The following ZNF285 variants were observed in gnomAD, a reference collection of about 807,000 sequenced individuals.
The protein encoded by ZNF285 is zinc finger protein 285, also known as zinc finger protein 285A.
Under a neutral mutation model 6.2 loss-of-function variants are expected in ZNF285, and 4 were observed. That is an observed-to-expected ratio of 0.65 (90% CI 0.32 to 1.49). The LOEUF (loss-of-function observed/expected upper bound fraction) is 1.49, where lower values mean the gene tolerates loss of function less well. Ranked by LOEUF, ZNF285 falls within the 40% of genes most tolerant of loss-of-function variation. ZNF285 has a pLI of 0.07. For synonymous variants in ZNF285, 240 were observed against 245.8 expected (o/e 0.98, Z 0.22); for missense variants, 695 against 708.8 (o/e 0.98, Z 0.22).
At chr19:44,400,088 T>G (rs1431566638) in intron 1 of ZNF285, among the ~76,000 whole-genome samples, 6 of 150,510 alleles carry the variant, frequency 4.0e-5, no homozygotes, top group African/African-American at 1.5e-4. Context: ...CAGAAGGCAA[T>G]GGCGGCCTTT....
chr19:44,384,436 A>G lies in ZNF285; in HGVS notation c.*2036T>C, dbSNP rs8110621. On this transcript the variant is annotated 3_prime_UTR_variant, in exon 4 of 4. Transcript: ENST00000614994. ...CTTTGTACCTGTTTTTCTTTCCCCC[A>G]CCAACTTATGTAAGAACACTCATTT... is the stretch of plus-strand genomic sequence containing the variant. The G allele has an allele frequency of 3.4e-4, 52 of 152,174 alleles. No homozygotes were observed. The highest frequency in any genetic ancestry group is 1.3e-3 in the African/African-American group (52 of 41,528). 9.4% of individuals were successfully genotyped at this position (152,174 alleles called of 1,614,324 possible).
chr19:44,384,507 C>A lies in ZNF285; in HGVS notation c.*1965G>T, dbSNP rs770537450. 2.0e-5 allele frequency: 3 copies of A among 152,144 alleles called. No homozygotes were observed. Among genetic ancestry groups the A allele is most frequent in the Non-Finnish European group, 4.4e-5 (3 of 68,026 alleles). 9.4% of individuals were successfully genotyped at this position (152,144 alleles called of 1,614,324 possible). A position where few individuals can be genotyped will look rare whatever the true frequency, so the allele number is the denominator to read the frequency against. The stretch of plus-strand genomic sequence containing the variant: ...AATTTTTAAAATATTTCACTATTAT[C>A]CACCTGATCAGTAAGAAAATGACAC... On this transcript the variant is annotated 3_prime_UTR_variant, in exon 4 of 4. Transcript: ENST00000614994.
chr19:44,385,078 G>A lies in ZNF285; in HGVS notation c.*1394C>T, dbSNP rs527543841. On this transcript the variant is annotated 3_prime_UTR_variant, in exon 4 of 4. Coordinates refer to ENST00000614994, the MANE Select transcript of ZNF285 (RefSeq NM_152354.6). The stretch of plus-strand genomic sequence containing the variant: ...TTATCCCCAATTAAATGACAAATTT[G>A]GGGGGAAACTGACAGAAAGAGCATC... 2 of 150,846 alleles carry A rather than the reference G, an allele frequency of 1.3e-5. No homozygotes were observed. Among genetic ancestry groups the A allele is most frequent in the Non-Finnish European group, 2.9e-5 (2 of 67,868 alleles). The allele number at this position is 150,846 out of a possible 1,614,324, so 9.3% of individuals were successfully genotyped here.
At chr19:44,393,921 A>G (rs923861211) in intron 2 of ZNF285, among the ~76,000 whole-genome samples, 1 of 152,148 alleles carries the variant, frequency 6.6e-6, no homozygotes, top group African/African-American at 2.4e-5. Flanking sequence ...TATATACCCA[A>G]AGGATTATAA....
intron 2 of ZNF285, chr19:44,396,861 C>T: frequency 3.1e-6 from 1 of 317,796 alleles, no homozygotes; most frequent in South Asian, 5.0e-5. Context: ...GCTGCCCATG[C>T]ACTCGGATGC....
In ZNF285 at chr19:44,387,925, A is replaced by G. The variant is rs1971124369; in HGVS notation, c.320T>C (p.Leu107Pro). 6.2e-7 allele frequency: 1 copy of G among 1,614,084 alleles called. No homozygotes were observed. Among genetic ancestry groups the G allele is most frequent in the Non-Finnish European group, 8.5e-7 (1 of 1,179,968 alleles). ...ECSPHLEDVSLSEEWAGISLQ... is the reference protein window; with the variant it reads ...ECSPHLEDVSPSEEWAGISLQ... Reference sequence around the variant, plus strand: ...AGAAATGCCTGCCCACTCTTCACTGAGGGAAACATCTTCTAAATGTGGGGA... The same window carrying G: ...AGAAATGCCTGCCCACTCTTCACTGGGGGAAACATCTTCTAAATGTGGGGA... The change falls in exon 4 of 4, where the codon CTC becomes CCC. Residue 107 changes from leucine to proline, a missense_variant. Transcript: ENST00000614994.
chr19:44,388,243 A>C (rs1971132792), intron 3 of ZNF285, 141 bp from the exon 4 acceptor site: 1 of 757,626 alleles, frequency 1.3e-6, no homozygotes, highest in Non-Finnish European at 2.1e-6. Flanking sequence ...GGTAATTCTA[A>C]CCTGTGAGCT....
chr19:44,389,650 A>G (rs1204910505), intron 3 of ZNF285, among the ~76,000 whole-genome samples: 1 of 151,830 alleles, frequency 6.6e-6, no homozygotes, highest in Non-Finnish European at 1.5e-5. Context: ...TTATTATTAT[A>G]CTTTAAGATT....
At position 44,388,110 on chromosome 19, in the gene ZNF285, A is replaced by G. The variant is rs535087131; in HGVS notation, c.143-8T>C. On this transcript the variant is annotated splice_region_variant and splice_polypyrimidine_tract_variant and intron_variant, in intron 3 of 3. Coordinates refer to ENST00000614994, the MANE Select transcript of ZNF285 (RefSeq NM_152354.6). ...TGTTTTTAATCCCGTCTCCTAGGAG[A>G]AGAAAGAGAATTTGGCTAAGAGAAC... The G allele has an allele frequency of 6.2e-7, 1 of 1,605,454 alleles. No individual in the cohort carries two copies. Among genetic ancestry groups the G allele is most frequent in the South Asian group, 1.1e-5 (1 of 89,970 alleles).
rs373787402 is a variant in ZNF285, at chr19:44,387,548, G to A, written c.697C>T (p.Pro233Ser). 2.0e-5 allele frequency: 33 copies of A among 1,613,790 alleles called. 1 individual carries two copies. In the Admixed American group the frequency reaches 5.5e-4, roughly 27 times the overall value. The change falls in exon 4 of 4, where the codon CCA becomes TCA. Residue 233 changes from proline to serine, a missense_variant. Transcript: ENST00000614994. ...NAAHVLPQPF[P>S]CNNCGVAFAD... The stretch of plus-strand genomic sequence containing the variant: ...AAGGCCACCCCACAGTTATTACATG[G>A]GAAAGGCTGTGGTAATACATGGGCC...
intron 1 of ZNF285, among the ~76,000 whole-genome samples, chr19:44,400,620 G>C (rs1238517310): frequency 2.6e-5 from 4 of 152,062 alleles, no homozygotes; most frequent in Admixed American, 2.6e-4. Flanking sequence ...TGTCGCCCAG[G>C]CTGGAGTGCA....
rs144051877 is a variant in ZNF285 at position 44,401,423 on chromosome 19, C to A, written c.-44+145G>T. On this transcript the variant is annotated intron_variant, in intron 1 of 3. Coordinates refer to ENST00000614994, the MANE Select transcript of ZNF285 (RefSeq NM_152354.6). ...GGGCCGCTGAACTTCCCTAGTCTAC[C>A]CCACCTACGAGGCCTTATCATTGGT... The A allele has an allele frequency of 1.8e-3, 274 of 152,476 alleles. 3 individuals carry two copies. Among genetic ancestry groups the A allele is most frequent in the African/African-American group, 6.3e-3 (260 of 41,532 alleles). 9.4% of individuals were successfully genotyped at this position (152,476 alleles called of 1,614,324 possible).
chr19:44,396,859 T>C (rs1029490288), intron 2 of ZNF285: 1 of 316,268 alleles, frequency 3.2e-6, no homozygotes, highest in Non-Finnish European at 5.9e-6. Flanking sequence ...ATGCTGCCCA[T>C]GCACTCGGAT....
In ZNF285 at chr19:44,387,668, G is replaced by C; in HGVS notation, c.577C>G (p.His193Asp). 5 of 1,613,840 alleles carry C rather than the reference G, an allele frequency of 3.1e-6. No homozygotes were observed. The highest frequency in any genetic ancestry group is 1.1e-5 in the South Asian group (1 of 91,064). Reference sequence around the variant, plus strand: ...TCTCCTTTACATTCTTGGGACTCATGATGATCACATGAGGTCCAACTGAGG... The same window carrying C: ...TCTCCTTTACATTCTTGGGACTCATCATGATCACATGAGGTCCAACTGAGG... ...DSLSWTSCDH[H>D]ESQECKGEDP... The change falls in exon 4 of 4, where the codon CAT becomes GAT. Residue 193 changes from histidine (H) to aspartate (D), a missense_variant. Coordinates refer to ENST00000614994, the MANE Select transcript of ZNF285 (RefSeq NM_152354.6).
chr19:44,387,960 T>C lies in ZNF285; in HGVS notation c.285A>G (p.Gln95=), dbSNP rs1277664701. ...CTTCTAAATGTGGGGAACACTCTTCTTGAAGGTTCACGATATAATCCTGAC... is the reference window on the plus strand; with the variant it reads ...CTTCTAAATGTGGGGAACACTCTTCCTGAAGGTTCACGATATAATCCTGAC... ...TVSQDYIVNL[Q]EECSPHLEDV... is the part of the protein sequence containing the mutation. The change falls in exon 4 of 4, where the codon CAA becomes CAG. Residue 95 remains glutamine (Q), a synonymous_variant. Transcript: ENST00000614994. 6.2e-7 allele frequency: 1 copy of C among 1,614,232 alleles called. No homozygotes were observed. Among genetic ancestry groups the C allele is most frequent in the South Asian group, 1.1e-5 (1 of 91,088 alleles).
chr19:44,393,286 G>A (rs1971228033), intron 2 of ZNF285, among the ~76,000 whole-genome samples: 1 of 151,980 alleles, frequency 6.6e-6, no homozygotes, highest in South Asian at 2.1e-4. Flanking sequence ...GTTAACAATT[G>A]GTGAATCTAG....
In ZNF285 at chr19:44,386,547, T is replaced by C; in HGVS notation, c.1698A>G (p.Thr566=). The C allele has an allele frequency of 1.2e-6, 2 of 1,614,190 alleles. No homozygotes were observed. Residue 566 remains threonine (T), a synonymous_variant, in exon 4 of 4, where the codon ACA becomes ACG. Coordinates refer to ENST00000614994, the MANE Select transcript of ZNF285 (RefSeq NM_152354.6). ...TTCCACGCTCACAGTGTGTGTACTGTGTCTCATCTATATGCACTCTCTGAT... is the reference window on the plus strand; with the variant it reads ...TTCCACGCTCACAGTGTGTGTACTGCGTCTCATCTATATGCACTCTCTGAT... ...LAHQRVHIDE[T]QYTHCERGKD...
chr19:44,389,229 T>C (rs1236879956), intron 3 of ZNF285, among the ~76,000 whole-genome samples: 1 of 151,976 alleles, frequency 6.6e-6, no homozygotes, highest in Non-Finnish European at 1.5e-5. Context: ...CTGTGGTATA[T>C]AACAAACAGG....
At chr19:44,392,077 G>GGGGA (rs1971205274) in intron 3 of ZNF285, 2 of 959,934 alleles carry the variant, frequency 2.1e-6, no homozygotes, top group Non-Finnish European at 2.8e-6. Flanking sequence ...TGTGTGAGTA[G>GGGGA]GGGAGGGAGG....
Sources: allele counts gnomAD v4.1 joint callset (sites outside exome capture counted in the v4.1 genomes callset), GRCh38; gene constraint gnomAD v4.1.1; transcripts MANE v1.5; gene names NCBI Gene and HGNC (gene_info 2026-07-23, HGNC 2026-07-21).